MEIG1: variants seen among roughly 807,000 people sequenced by gnomAD.
MEIG1 encodes meiosis expressed gene 1 protein homolog.
Under a neutral mutation model 11.3 loss-of-function variants are expected in MEIG1, and 12 were observed. That is an observed-to-expected ratio of 1.07 (90% confidence interval 0.68 to 1.73). The LOEUF is 1.73. MEIG1 is among the 40% of genes most tolerant of loss of function. The pLI is 0.00. For synonymous variants in MEIG1, 41 were observed against 33.2 expected (o/e 1.24, Z -0.81); for missense variants, 119 against 104.9 (o/e 1.13, Z -0.59).
chr10:14,981,643 G>C (rs573306384), intron 1 of MEIG1, among the ~76,000 whole-genome samples: 2 of 152,160 alleles, frequency 1.3e-5, no homozygotes, highest in South Asian at 2.1e-4. Flanking sequence ...GCTTGAGCCC[G>C]GTCTCCCTCA....
chr10:14,968,778 C>A (rs1027326942), intron 2 of MEIG1, among the ~76,000 whole-genome samples: 23 of 152,076 alleles, frequency 1.5e-4, no homozygotes, highest in Non-Finnish European at 2.9e-5. Flanking sequence ...CATTTTTATG[C>A]TGTTTAAAAT....
At chr10:14,977,251 C>A (rs1843219045), downstream of MEIG1, among the ~76,000 whole-genome samples, 1 of 151,958 alleles carries the variant, frequency 6.6e-6, no homozygotes. Flanking sequence ...AGATGATACT[C>A]CCAATGTCAC....
At chr10:14,955,184 G>A (rs1275883991), upstream of MEIG1, among the ~76,000 whole-genome samples, 1 of 152,072 alleles carries the variant, frequency 6.6e-6, no homozygotes, top group Admixed American at 6.6e-5. Flanking sequence ...CGCTCGCCTC[G>A]GCCTCCCAAA....
At chr10:14,973,769 C>CAAAAAAAAAAAAAAAAA (rs59507280), downstream of MEIG1, among the ~76,000 whole-genome samples, 1 of 90,476 alleles carries the variant, frequency 1.1e-5, no homozygotes. Context: ...GACTCCATCT[C>CAAAAAAAAAAAAAAAAA]AAAAAAAAAA....
intron 1 of MEIG1, among the ~76,000 whole-genome samples, chr10:14,984,270 A>G (rs1843296107): frequency 6.6e-6 from 1 of 150,524 alleles, no homozygotes; most frequent in Non-Finnish European, 1.5e-5. Flanking sequence ...GGGTGATATT[A>G]CTCCCCGATT....
intron 2 of MEIG1, among the ~76,000 whole-genome samples, chr10:14,968,815 A>C (rs1843117537): frequency 6.6e-6 from 1 of 152,118 alleles, no homozygotes; most frequent in Admixed American, 6.6e-5. Flanking sequence ...GTGTTGGCTC[A>C]CACCTGTAAT....
At chr10:14,970,361 A>G (rs965915047) in intron 2 of MEIG1, 1 of 152,280 alleles carries the variant, frequency 6.6e-6, no homozygotes, top group Admixed American at 6.5e-5. Flanking sequence ...GTCAACAAGC[A>G]AAGGAGCAAC....
chr10:14,966,418 ATGT>A lies in MEIG1; in HGVS notation c.-29-17_-29-15del. On this transcript the variant is annotated intron_variant, in intron 1 of 2. Transcript: ENST00000407572. ...ATTGTCACTATTACATTATCCATTA[ATGT>A]TGTTTTAACATCTTTCAGATATTAT... is the stretch of plus-strand genomic sequence containing the variant. 2.0e-6 allele frequency: 3 copies of A among 1,522,202 alleles called. No homozygotes were observed. Among genetic ancestry groups the A allele is most frequent in the Non-Finnish European group, 2.7e-6 (3 of 1,126,566 alleles). The allele number at this position is 1,522,202 out of a possible 1,614,324, so 94.3% of individuals were successfully genotyped here.
chr10:14,974,979 T>C (rs1055794749), downstream of MEIG1, among the ~76,000 whole-genome samples: 4 of 152,148 alleles, frequency 2.6e-5, no homozygotes, highest in African/African-American at 9.7e-5. Context: ...ATATTGTTCA[T>C]AATGTCCAGG....
At chr10:14,985,564 A>T (rs1181626019) in intron 1 of MEIG1, among the ~76,000 whole-genome samples, 1 of 151,966 alleles carries the variant, frequency 6.6e-6, no homozygotes. Context: ...TCCTAGGGGC[A>T]TGATCTCCCT....
At chr10:14,960,828 A>G (rs1051946956) in intron 1 of MEIG1, among the ~76,000 whole-genome samples, 2 of 151,908 alleles carry the variant, frequency 1.3e-5, no homozygotes, top group East Asian at 3.9e-4. Context: ...GGAATTCGAG[A>G]CCAGCCTGAC....
chr10:14,984,216 C>T (rs1037163914), intron 1 of MEIG1, among the ~76,000 whole-genome samples: 1 of 149,148 alleles, frequency 6.7e-6, no homozygotes, highest in African/African-American at 2.5e-5. Flanking sequence ...GGGGGGAGCC[C>T]ACCCCCCTGC....
upstream of MEIG1, among the ~76,000 whole-genome samples, chr10:14,957,214 C>G (rs891339210): frequency 3.3e-5 from 5 of 152,174 alleles, no homozygotes; most frequent in African/African-American, 1.2e-4. Context: ...CAGATAGGTA[C>G]ACTTTCTGTC....
At chr10:14,958,954 C>T (rs1260224437), upstream of MEIG1, among the ~76,000 whole-genome samples, 1 of 152,032 alleles carries the variant, frequency 6.6e-6, no homozygotes, top group African/African-American at 2.4e-5. Context: ...TCACTTTTCG[C>T]TTAGATAGTA....
chr10:14,972,569 G>T lies in MEIG1; in HGVS notation c.195G>T (p.Thr65=). ...AGAAACTTCAGAGAAGGGACAATAC[G>T]TTCTATTACTACAACAAACAGAGGG... The part of the protein sequence containing the change: ...YVKKLQRRDN[T]FYYYNKQREC... The change falls in exon 3 of 3, where the codon ACG becomes ACT. Residue 65 remains threonine, a synonymous_variant. Transcript: ENST00000407572. The T allele has an allele frequency of 1.9e-6, 3 of 1,613,880 alleles. No homozygotes were observed. The highest frequency in any genetic ancestry group is 1.1e-5 in the South Asian group (1 of 91,020).
At chr10:14,977,699 CCATGGTAA>C (rs1843225522), downstream of MEIG1, among the ~76,000 whole-genome samples, 1 of 151,870 alleles carries the variant, frequency 6.6e-6, no homozygotes, top group Admixed American at 6.6e-5. Context: ...TTTGTAATAT[CCATGGTAA>C]ACATTACTTC....
chr10:14,982,962 C>T (rs1843280154), intron 1 of MEIG1, among the ~76,000 whole-genome samples: 1 of 151,908 alleles, frequency 6.6e-6, no homozygotes, highest in South Asian at 2.1e-4. Flanking sequence ...TTAATCTGAG[C>T]ACTTTTTATG....
At chr10:14,987,429 G>C (rs1434670778) in intron 2 of MEIG1, 5 of 724,122 alleles carry the variant, frequency 6.9e-6, no homozygotes, top group Admixed American at 2.0e-5. Context: ...ACACCTGTGA[G>C]ATTCCGTGGC....
At chr10:14,963,673 T>G (rs1843041686) in intron 1 of MEIG1, among the ~76,000 whole-genome samples, 1 of 152,164 alleles carries the variant, frequency 6.6e-6, no homozygotes, top group South Asian at 2.1e-4. Context: ...CGTATAATAC[T>G]GTAAAACTGG....
Sources: allele counts gnomAD v4.1 joint callset (sites outside exome capture counted in the v4.1 genomes callset), GRCh38; gene constraint gnomAD v4.1.1; transcripts MANE v1.5; gene names NCBI Gene and HGNC (gene_info 2026-07-23, HGNC 2026-07-21).